The following PAICS variants were observed in gnomAD, a reference collection of about 807,000 sequenced individuals.
The protein encoded by PAICS is phosphoribosylaminoimidazole carboxylase and phosphoribosylaminoimidazolesuccinocarboxamide synthase, also known as bifunctional phosphoribosylaminoimidazole carboxylase/phosphoribosylaminoimidazole succinocarboxamide synthetase.
Under a neutral mutation model 53.7 loss-of-function variants are expected in PAICS, and 33 were observed. The ratio of observed to expected loss-of-function variants is 0.61; its 90% confidence interval spans 0.47 to 0.82. The LOEUF is 0.82. Among genes scored for constraint, PAICS ranks in the 40% least tolerant of loss-of-function variants. PAICS has a pLI of 0.00. For synonymous variants in PAICS, 141 were observed against 167.2 expected (o/e 0.84, Z 1.21); for missense variants, 394 against 494.1 (o/e 0.80, Z 1.92).
chr4:56,449,210 A>G (rs1718774460), intron 5 of PAICS, among the ~76,000 whole-genome samples: 1 of 152,196 alleles, frequency 6.6e-6, no homozygotes, highest in African/African-American at 2.4e-5. Context: ...GCTCCTATAT[A>G]AAACAACAGA....
upstream of PAICS, chr4:56,435,612 T>A: frequency 3.3e-6 from 5 of 1,501,266 alleles, no homozygotes; most frequent in Non-Finnish European, 4.5e-6. Flanking sequence ...TGGCCCCAGC[T>A]ACTGCGGCGG....
At chr4:56,446,927 A>G (rs1718651292) in intron 3 of PAICS, 54 bp downstream of exon 3, 3 of 1,083,672 alleles carry the variant, frequency 2.8e-6, no homozygotes, top group Admixed American at 3.0e-5. Context: ...CAATAAATTT[A>G]TAATTAGAAA....
chr4:56,457,977 A>G (rs1719310882), intron 8 of PAICS, among the ~76,000 whole-genome samples: 1 of 152,170 alleles, frequency 6.6e-6, no homozygotes, highest in African/African-American at 2.4e-5. Flanking sequence ...GCTATCTTTA[A>G]CAAGATGTGA....
chr4:56,410,920 AAAAAAAAAG>A, the PAICS span: 3 of 951,662 alleles, frequency 3.2e-6, no homozygotes, highest in African/African-American at 1.8e-5. Context: ...AAAAAAAAAA[AAAAAAAAAG>A]AAAAGTACTC....
chr4:56,431,455 T>C, upstream of PAICS: 2 of 976,642 alleles, frequency 2.0e-6, no homozygotes, highest in Non-Finnish European at 2.4e-6. Flanking sequence ...AAAGTGCTCC[T>C]GAGATCATTA....
the PAICS span, among the ~76,000 whole-genome samples, chr4:56,414,746 T>C: frequency 6.6e-6 from 1 of 152,214 alleles, no homozygotes. Context: ...ATAGAAACCC[T>C]GCCTTTATTT....
intron 2 of PAICS, among the ~76,000 whole-genome samples, chr4:56,442,216 T>TGTA (rs1462707802): frequency 1.3e-5 from 2 of 152,222 alleles, no homozygotes; most frequent in African/African-American, 4.8e-5. Context: ...ATTTACTCCC[T>TGTA]GTAATTCTAT....
At chr4:56,428,019 C>A in the PAICS span, among the ~76,000 whole-genome samples, 1 of 152,146 alleles carries the variant, frequency 6.6e-6, no homozygotes, top group Non-Finnish European at 1.5e-5. Flanking sequence ...CAGTGAAGAT[C>A]ACCTATGATG....
Position 56,459,619 on chromosome 4 carries a change from G to A in PAICS, c.*81G>A. 1 of 1,066,300 alleles carries A rather than the reference G, an allele frequency of 9.4e-7. No homozygotes were observed. The highest frequency in any genetic ancestry group is 2.4e-5 in the East Asian group (1 of 40,888). The allele number at this position is 1,066,300 out of a possible 1,614,324, so 66.1% of individuals were successfully genotyped here. On this transcript the variant is annotated 3_prime_UTR_variant, in exon 9 of 9. Coordinates refer to ENST00000512576, the MANE Select transcript of PAICS (RefSeq NM_001079524.2). ...AAGGAAAATCAAGCAAGATGAAAAG[G>A]TAATTTTAAATTAGAGAACACAAAT...
chr4:56,421,098 C>G, the PAICS span: 29,257 of 152,172 alleles, frequency 0.19, 3,151 homozygotes, highest in Admixed American at 0.33. Flanking sequence ...GACCTGAGCT[C>G]CGCGACTCCT....
chr4:56,422,052 C>A, the PAICS span: 2 of 152,260 alleles, frequency 1.3e-5, no homozygotes, highest in African/African-American at 4.8e-5. Context: ...GGGTGGATCA[C>A]TTGAGGCAGG....
Position 56,461,666 on chromosome 4 carries a change from C to T in PAICS, c.*2128C>T, listed in dbSNP as rs571674165. On this transcript the variant is annotated 3_prime_UTR_variant, in exon 9 of 9. Transcript: ENST00000512576. ...TAGCTGGGTGCATGTGCTACCACAC[C>T]CAATTATGAATTTCATCATTAGTTT... is the stretch of plus-strand genomic sequence containing the variant. 2 of 152,146 alleles carry T rather than the reference C, an allele frequency of 1.3e-5. No homozygotes were observed. The highest frequency in any genetic ancestry group is 2.4e-5 in the African/African-American group (1 of 41,496). 9.4% of individuals were successfully genotyped at this position (152,146 alleles called of 1,614,324 possible). A position where few individuals can be genotyped will look rare whatever the true frequency, so the allele number is the denominator to read the frequency against.
At chr4:56,424,580 A>G in the PAICS span, among the ~76,000 whole-genome samples, 1 of 152,238 alleles carries the variant, frequency 6.6e-6, no homozygotes. Context: ...GTTAAGTAAA[A>G]AGAAGTGGCC....
chr4:56,437,324 G>C (rs1299279241), intron 1 of PAICS, among the ~76,000 whole-genome samples: 1 of 146,898 alleles, frequency 6.8e-6, no homozygotes, highest in African/African-American at 2.5e-5. Context: ...TTGATGCCAC[G>C]ATGGCTTTGA....
rs1719614980 is a variant in PAICS at position 56,464,455 on chromosome 4, C to T, written c.*4917C>T. ...GTGAATGAAAAAGACTAATTCTCCACAGTCTATACTCAATCTCTCTTACCT... is the reference window on the plus strand; with the variant it reads ...GTGAATGAAAAAGACTAATTCTCCATAGTCTATACTCAATCTCTCTTACCT... On this transcript the variant is annotated 3_prime_UTR_variant, in exon 9 of 9. Coordinates refer to ENST00000512576, the MANE Select transcript of PAICS (RefSeq NM_001079524.2). 1 of 152,212 alleles carries T rather than the reference C, an allele frequency of 6.6e-6. No homozygotes were observed. Among genetic ancestry groups the T allele is most frequent in the South Asian group, 2.1e-4 (1 of 4,834 alleles). 9.4% of individuals were successfully genotyped at this position (152,212 alleles called of 1,614,324 possible). A position where few individuals can be genotyped will look rare whatever the true frequency, so the allele number is the denominator to read the frequency against.
At position 56,459,820 on chromosome 4, in the gene PAICS, C is replaced by A; in HGVS notation, c.*282C>A. Reference sequence around the variant, plus strand: ...CTACTATTGAGTTTCTTCCTTAACACTGATTAAATGATCTTAACTCCCTCA... The same window carrying A: ...CTACTATTGAGTTTCTTCCTTAACAATGATTAAATGATCTTAACTCCCTCA... On this transcript the variant is annotated 3_prime_UTR_variant, in exon 9 of 9. Coordinates refer to ENST00000512576, the MANE Select transcript of PAICS (RefSeq NM_001079524.2). 1 of 247,474 alleles carries A rather than the reference C, an allele frequency of 4.0e-6. No individual in the cohort carries two copies. Among genetic ancestry groups the A allele is most frequent in the Non-Finnish European group, 7.8e-6 (1 of 128,892 alleles). 15.3% of individuals were successfully genotyped at this position (247,474 alleles called of 1,614,324 possible). A position where few individuals can be genotyped will look rare whatever the true frequency, so the allele number is the denominator to read the frequency against.
At chr4:56,412,562 G>A in the PAICS span, among the ~76,000 whole-genome samples, 2 of 152,072 alleles carry the variant, frequency 1.3e-5, no homozygotes, top group East Asian at 1.9e-4. Flanking sequence ...TCGGCTTCCC[G>A]AAGTGAGGCA....
intron 2 of PAICS, 103 bp from the exon 3 acceptor site, chr4:56,446,592 A>C (rs1167877850): frequency 2.9e-6 from 2 of 684,456 alleles, no homozygotes; most frequent in African/African-American, 1.8e-5. Context: ...TTTTTGATAG[A>C]GGTTCTTTGT....
At chr4:56,435,722 G>C, upstream of PAICS, 2 of 1,469,630 alleles carry the variant, frequency 1.4e-6, no homozygotes, top group South Asian at 2.7e-5. Context: ...CGGCTGAGGG[G>C]CGGGGTCACG....
Sources: gnomAD v4.1 joint callset for allele counts (sites outside exome capture counted in the v4.1 genomes callset) on GRCh38, gnomAD v4.1.1 for gene constraint, MANE v1.5 for transcripts, NCBI Gene and HGNC (gene_info 2026-07-23, HGNC 2026-07-21) for gene names.